Variants in DOCK7 observed in about 807,000 individuals in gnomAD.
DOCK7 encodes dedicator of cytokinesis 7.
DOCK7 carries 138 observed loss-of-function variants against 271.0 expected under a neutral mutation model. The observed-to-expected ratio is 0.51, with a 90% confidence interval of 0.44 to 0.59. The LOEUF is 0.59. DOCK7 is among the 20% of genes least tolerant of loss of function. The pLI, the probability that DOCK7 is intolerant of heterozygous loss-of-function variation, is 0.00. For synonymous variants in DOCK7, 823 were observed against 876.1 expected, an observed-to-expected ratio of 0.94 and a Z score of 1.07; for missense variants, 2,066 against 2,592.4, an observed-to-expected ratio of 0.80 and a Z score of 4.41.
At chr1:62,637,155 T>C (rs1655377379) in intron 7 of DOCK7, among the ~76,000 whole-genome samples, 2 of 152,196 alleles carry the variant, frequency 1.3e-5, no homozygotes, top group Admixed American at 1.3e-4. Flanking sequence ...TAATTTGTAG[T>C]CTGCTTTTTT....
chr1:62,646,250 TG>T (rs1261943125), intron 7 of DOCK7, among the ~76,000 whole-genome samples: 2 of 150,632 alleles, frequency 1.3e-5, no homozygotes, highest in Admixed American at 1.3e-4. Context: ...CAGACACAAA[TG>T]GCCACATATA....
chr1:62,457,391 C>T (rs1477628763), intron 49 of DOCK7, 147 bp downstream of exon 49: 15 of 747,524 alleles, frequency 2.0e-5, no homozygotes, highest in Admixed American at 5.8e-5. Flanking sequence ...AAGTGTAACA[C>T]GAATATTCCA....
At chr1:62,588,508 C>T (rs1647904995) in intron 14 of DOCK7, among the ~76,000 whole-genome samples, 1 of 152,092 alleles carries the variant, frequency 6.6e-6, no homozygotes, top group African/African-American at 2.4e-5. Context: ...TTTCCAGAGC[C>T]TAGATTTTAC....
intron 1 of DOCK7, among the ~76,000 whole-genome samples, chr1:62,670,211 C>T (rs1233870944): frequency 1.3e-5 from 2 of 152,242 alleles, no homozygotes; most frequent in African/African-American, 4.8e-5. Flanking sequence ...GCCTCCCCGA[C>T]GAGCGCCACC....
chr1:62,579,362 T>C (rs1431516026), intron 16 of DOCK7, among the ~76,000 whole-genome samples: 1 of 152,178 alleles, frequency 6.6e-6, no homozygotes, highest in Admixed American at 6.5e-5. Context: ...AATGCTTTCA[T>C]ATTAAAACTA....
At position 62,539,526 on chromosome 1, in the gene DOCK7, A is replaced by T; in HGVS notation, c.3300+19T>A. On this transcript the variant is annotated intron_variant, in intron 27 of 49. Coordinates refer to ENST00000635253, the MANE Select transcript of DOCK7 (RefSeq NM_001367561.1). ...TATTTAAATTATTTGATTACTAATT[A>T]TTCCTAACTATGCATTACCTGTTTA... The T allele has an allele frequency of 6.5e-7, 1 of 1,548,112 alleles. No homozygotes were observed. Among genetic ancestry groups the T allele is most frequent in the Non-Finnish European group, 8.8e-7 (1 of 1,134,796 alleles).
Position 62,559,156 on chromosome 1 carries a change from C to A in DOCK7, c.2264G>T (p.Arg755Leu), listed in dbSNP as rs1489966381. ...TTCCATGATTCGCATGTCCCCAATT[C>A]GGACTGGGAACAGGTGTTCATCCAG... ...NALDEHLFPV[R>L]IGDMRIMENN... The change falls in exon 20 of 50, where the codon CGA (arginine) becomes CTA (leucine). Residue 755 changes from arginine (R) to leucine (L), a missense_variant. Physicochemically the swap from Arg to Leu is moderately radical, Grantham distance 102. Coordinates refer to ENST00000635253, the MANE Select transcript of DOCK7 (RefSeq NM_001367561.1). 1 of 1,613,586 alleles carries A rather than the reference C, an allele frequency of 6.2e-7. No homozygotes were observed. The highest frequency in any genetic ancestry group is 8.5e-7 in the Non-Finnish European group (1 of 1,179,890).
intron 48 of DOCK7, among the ~76,000 whole-genome samples, chr1:62,464,607 G>C (rs922070903): frequency 6.6e-6 from 1 of 151,838 alleles, no homozygotes; most frequent in African/African-American, 2.4e-5. Context: ...GCTTGAACCC[G>C]GGAGGTAGAG....
At position 62,586,662 on chromosome 1, in the gene DOCK7, T is replaced by C. The variant is rs778257658; in HGVS notation, c.1683-38A>G. 63 of 1,279,762 alleles carry C rather than the reference T, an allele frequency of 4.9e-5. 1 individual carries two copies. In the Middle Eastern group the frequency reaches 7.5e-4, roughly 15 times the overall value. 79.3% of individuals were successfully genotyped at this position (1,279,762 alleles called of 1,614,324 possible). A position where few individuals can be genotyped will look rare whatever the true frequency, so the allele number is the denominator to read the frequency against. ...CAGTATAGATGATAGTAAATACATA[T>C]CTAAGAAACACTATGTATCACTCAC... is the stretch of plus-strand genomic sequence containing the variant. On this transcript the variant is annotated intron_variant, in intron 14 of 49. Coordinates refer to ENST00000635253, the MANE Select transcript of DOCK7 (RefSeq NM_001367561.1).
At chr1:62,532,876 A>G (rs1472695562) in intron 29 of DOCK7, among the ~76,000 whole-genome samples, 1 of 152,162 alleles carries the variant, frequency 6.6e-6, no homozygotes, top group Non-Finnish European at 1.5e-5. Flanking sequence ...GGAGGAAGAG[A>G]GTGGCAGGAG....
In DOCK7 at chr1:62,604,040, T is replaced by C. The variant is rs12563308; in HGVS notation, c.1682+14666A>G. ...ATCTAATTATGTTTTACGAATTGAG[T>C]TGGAAGACTGGAAAGACAACAAACA... On this transcript the variant is annotated intron_variant, in intron 14 of 49. Transcript: ENST00000635253. 18,075 of 1,613,090 alleles carry C rather than the reference T, an allele frequency of 0.011. 682 individuals are homozygous for C. The highest frequency in any genetic ancestry group is 0.11 in the African/African-American group (8,177 of 74,922).
chr1:62,482,841 A>C (rs889949772), intron 43 of DOCK7: 2 of 152,066 alleles, frequency 1.3e-5, no homozygotes, highest in African/African-American at 4.8e-5. Flanking sequence ...CATATCCTTT[A>C]TACTTCAGCA....
intron 2 of DOCK7, among the ~76,000 whole-genome samples, chr1:62,657,718 G>A (rs1184550678): frequency 6.6e-6 from 1 of 152,060 alleles, no homozygotes; most frequent in Non-Finnish European, 1.5e-5. Context: ...CAAAGAAACA[G>A]AAGATATAAA....
In DOCK7 at chr1:62,538,524, A is replaced by G. The variant is rs536112364; in HGVS notation, c.3301-463T>C. The stretch of plus-strand genomic sequence containing the variant: ...TTTAGTGTCCCTACAGCTTAGCTCA[A>G]TGTTTGACAAATATAGGAGATCAAT... On this transcript the variant is annotated intron_variant, in intron 27 of 49. Transcript: ENST00000635253. Among the ~76,000 whole-genome samples, 5 of 152,312 alleles carry G rather than the reference A, an allele frequency of 3.3e-5. No homozygotes were observed. The East Asian group carries it at 7.7e-4, about 24-fold the overall frequency.
chr1:62,598,821 T>C, intron 14 of DOCK7: 1 of 1,444,576 alleles, frequency 6.9e-7, no homozygotes, highest in Non-Finnish European at 9.7e-7. Flanking sequence ...GTCAGTATTT[T>C]AATGGTATGT....
chr1:62,530,364 GT>G (rs1040121037), intron 29 of DOCK7, among the ~76,000 whole-genome samples: 11 of 152,130 alleles, frequency 7.2e-5, no homozygotes, highest in African/African-American at 2.4e-4. Flanking sequence ...TTCTTCATAT[GT>G]TCAATGAACC....
chr1:62,582,684 C>T (rs1384896688), intron 16 of DOCK7, among the ~76,000 whole-genome samples: 3 of 144,142 alleles, frequency 2.1e-5, no homozygotes, highest in Non-Finnish European at 4.5e-5. Context: ...CTGATTAGTA[C>T]AATTTTGTGA....
chr1:62,663,376 A>G (rs1402000909), intron 1 of DOCK7, among the ~76,000 whole-genome samples: 1 of 152,116 alleles, frequency 6.6e-6, no homozygotes, highest in Non-Finnish European at 1.5e-5. Context: ...GTTTTTTCTT[A>G]TATGGCATTT....
intron 18 of DOCK7, among the ~76,000 whole-genome samples, chr1:62,572,007 A>G (rs1646797778): frequency 6.6e-6 from 1 of 152,196 alleles, no homozygotes; most frequent in Non-Finnish European, 1.5e-5. Flanking sequence ...ACCATGGCAC[A>G]TGTTTACCTA....
Sources: gnomAD v4.1 joint callset for allele counts (sites outside exome capture counted in the v4.1 genomes callset) on GRCh38, gnomAD v4.1.1 for gene constraint, MANE v1.5 for transcripts, NCBI Gene and HGNC (gene_info 2026-07-23, HGNC 2026-07-21) for gene names.